The following BSCL2 variants were observed in gnomAD, a reference collection of about 807,000 sequenced individuals.
BSCL2 encodes seipin.
Under a neutral mutation model 57.4 loss-of-function variants are expected in BSCL2, and 41 were observed. The observed-to-expected ratio is 0.71, with a 90% confidence interval of 0.56 to 0.93. BSCL2 has a LOEUF of 0.93. Among genes scored for constraint, BSCL2 ranks in the 40% least tolerant of loss-of-function variants. The probability of loss-of-function intolerance (pLI) is 0.00; values close to 1 mark genes in which losing one functional copy is unlikely to be tolerated. For synonymous variants in BSCL2, 237 were observed against 227.3 expected (o/e 1.04, Z -0.38); for missense variants, 539 against 586.7 (o/e 0.92, Z 0.84).
Position 62,707,122 on chromosome 11 carries a change from G to A in BSCL2, c.74C>T (p.Pro25Leu), listed in dbSNP as rs745575653. 8.4e-6 allele frequency: 13 copies of A among 1,553,614 alleles called. No individual in the cohort carries two copies. The African/African-American group carries it at 1.1e-4, about 13-fold the overall frequency. ...KEVCGDQIKGPDKEEEPPAAA... is the reference protein window; with the variant it reads ...KEVCGDQIKGLDKEEEPPAAA... ...AAGGGCCCCTACCTCCTCTTTGTCCGGTCCTTTGATCTGGTCTCCGCACAC... is the reference window on the plus strand; with the variant it reads ...AAGGGCCCCTACCTCCTCTTTGTCCAGTCCTTTGATCTGGTCTCCGCACAC... The change falls in exon 1 of 11, where the codon CCG becomes CTG. Residue 25 changes from proline to leucine, a missense_variant. Physicochemically the swap from Pro to Leu is moderately conservative, Grantham distance 98. This residue lies in a region of BSCL2 where 218 missense variants were observed against 224.8 expected (regional missense o/e 0.97). Transcript: ENST00000360796.
upstream of BSCL2, chr11:62,708,294 G>A: frequency 6.2e-7 from 1 of 1,604,214 alleles, no homozygotes; most frequent in Non-Finnish European, 8.5e-7. Context: ...CTTTTTTCCA[G>A]GATGAAAGGT....
rs781626368 is a variant in BSCL2, at chr11:62,705,429, C to T, written c.276G>A (p.Leu92=). 6.2e-7 allele frequency: 1 copy of T among 1,614,230 alleles called. No individual in the cohort carries two copies. Among genetic ancestry groups the T allele is most frequent in the South Asian group, 1.1e-5 (1 of 91,082 alleles). ...TGCAGAAGAGCACCCCAAACTGCAG[C>T]AGCAGCCTGCGGGCACGGCCTGCCA... The part of the protein sequence containing the change: ...QVLAGRARRL[L]LQFGVLFCTI... The change falls in exon 2 of 11, where the codon CTG becomes CTA. Residue 92 remains leucine (L), a synonymous_variant. Coordinates refer to ENST00000360796, the MANE Select transcript of BSCL2 (RefSeq NM_001122955.4).
chr11:62,698,539 C>T (rs1036339354), intron 3 of BSCL2, among the ~76,000 whole-genome samples: 4 of 152,208 alleles, frequency 2.6e-5, no homozygotes, highest in Non-Finnish European at 4.4e-5. Flanking sequence ...TGTATGCAAA[C>T]ATATGCAATG....
At chr11:62,709,442 G>GGTA, upstream of BSCL2, 1 of 453,968 alleles carries the variant, frequency 2.2e-6, no homozygotes, top group Non-Finnish European at 4.4e-6. Context: ...CAAGTTAAAA[G>GGTA]GTAAACAGGC....
chr11:62,706,608 C>T (rs891989427), intron 1 of BSCL2: 10 of 470,618 alleles, frequency 2.1e-5, no homozygotes, highest in Admixed American at 1.9e-4. Flanking sequence ...GCCCTCCGTG[C>T]ACACCTTCAC....
At chr11:62,695,408 A>T (rs976006217) in intron 3 of BSCL2, among the ~76,000 whole-genome samples, 1 of 137,160 alleles carries the variant, frequency 7.3e-6, no homozygotes, top group Admixed American at 7.3e-5. Context: ...GTAATGGGTT[A>T]AAAAAAAAAA....
rs916916343 is a variant in BSCL2, at chr11:62,691,345, C to T, written c.940G>A (p.Val314Met). 1.9e-6 allele frequency: 3 copies of T among 1,613,984 alleles called. No individual in the cohort carries two copies. The highest frequency in any genetic ancestry group is 1.3e-5 in the African/African-American group (1 of 74,882). ...ACCCACTGCATGTAGCTGAAGAGCA[C>T]GATGACGCTGAGGAAGGTGAAGTTG... ...ASNFTFLSVIVLFSYMQWVWG... is the reference protein window; with the variant it reads ...ASNFTFLSVIMLFSYMQWVWG... Residue 314 changes from valine (V) to methionine (M), a missense_variant, in exon 7 of 11, where the codon GTG becomes ATG. Physicochemically the swap from Val to Met is conservative, Grantham distance 21 (BLOSUM62 1). Transcript: ENST00000360796.
At chr11:62,692,627 T>C (rs1407247652) in intron 5 of BSCL2, 36 bp downstream of exon 5, 20 of 1,613,568 alleles carry the variant, frequency 1.2e-5, no homozygotes, top group Non-Finnish European at 1.5e-5. Context: ...TGGGAGGGGC[T>C]ATCTCCTAGT....
chr11:62,704,510 C>G (rs890722997), intron 2 of BSCL2, among the ~76,000 whole-genome samples: 1 of 152,112 alleles, frequency 6.6e-6, no homozygotes. Flanking sequence ...GGCACCACTG[C>G]ACTCCAGCCT....
At chr11:62,709,027 C>T, upstream of BSCL2, 1 of 542,248 alleles carries the variant, frequency 1.8e-6, no homozygotes, top group South Asian at 1.9e-5. Context: ...ATATGAGGCA[C>T]CCTTTGCTCC....
At chr11:62,693,295 G>A (rs1314373999) in intron 4 of BSCL2, among the ~76,000 whole-genome samples, 1 of 152,072 alleles carries the variant, frequency 6.6e-6, no homozygotes, top group East Asian at 1.9e-4. Flanking sequence ...TTTGAGATCA[G>A]GAGTTCGAGA....
chr11:62,701,023 C>T (rs2134725264), intron 3 of BSCL2, among the ~76,000 whole-genome samples: 1 of 152,200 alleles, frequency 6.6e-6, no homozygotes, highest in African/African-American at 2.4e-5. Context: ...GCCCAGTCCC[C>T]ATATGCATTT....
chr11:62,701,626 T>C (rs1005195127), intron 3 of BSCL2, among the ~76,000 whole-genome samples: 3 of 151,992 alleles, frequency 2.0e-5, no homozygotes, highest in Non-Finnish European at 4.4e-5. Flanking sequence ...GGTCAAGAGA[T>C]CCAGACCATC....
chr11:62,704,111 C>T lies in BSCL2; in HGVS notation c.404+1190G>A, dbSNP rs540944012. The stretch of plus-strand genomic sequence containing the variant: ...CTGCACTCCAGCCCAGGCAACAGCA[C>T]GAGACTCTGTCTCAAAAAGAAAAAA... On this transcript the variant is annotated intron_variant, in intron 2 of 10. Transcript: ENST00000360796. Among the ~76,000 whole-genome samples the T allele has an allele frequency of 1.3e-4, 19 of 144,092 alleles. 1 individual carries two copies. Among genetic ancestry groups the T allele is most frequent in the South Asian group, 2.2e-4 (1 of 4,524 alleles). The allele number at this position is 144,092 out of a possible 152,430, so 94.5% of individuals were successfully genotyped here. A position where few individuals can be genotyped will look rare whatever the true frequency, so the allele number is the denominator to read the frequency against.
intron 1 of BSCL2, 27 bp from the exon 2 acceptor site, chr11:62,705,644 G>A (rs2083517295): frequency 6.7e-7 from 1 of 1,481,924 alleles, no homozygotes; most frequent in Admixed American, 2.4e-5. Context: ...AGGGAAAAGA[G>A]TGACTCCTTT....
intron 1 of BSCL2, chr11:62,706,376 G>T: frequency 9.9e-7 from 1 of 1,009,798 alleles, no homozygotes; most frequent in African/African-American, 1.8e-5. Flanking sequence ...GCCCAGGGCG[G>T]GGTCCAGCAC....
rs1195176778 is a variant in BSCL2 at position 62,702,451 on chromosome 11, C to G, written c.486+17G>C. On this transcript the variant is annotated intron_variant, in intron 3 of 10. Transcript: ENST00000360796. The stretch of plus-strand genomic sequence containing the variant: ...ATCAAAGCTCTAATGAAACCTCTCT[C>G]TAGTTCCCATACTCACCCGATCACG... 6 of 1,601,194 alleles carry G rather than the reference C, an allele frequency of 3.7e-6. No homozygotes were observed. In the Admixed American group the frequency reaches 1.0e-4, roughly 27 times the overall value.
intron 3 of BSCL2, among the ~76,000 whole-genome samples, chr11:62,696,746 C>T (rs186424894): frequency 1.6e-4 from 25 of 152,068 alleles, no homozygotes; most frequent in African/African-American, 5.3e-4. Flanking sequence ...TTTGTAGAGA[C>T]GGGGTCTCAT....
intron 2 of BSCL2, among the ~76,000 whole-genome samples, chr11:62,703,759 G>T (rs931280850): frequency 5.3e-5 from 8 of 152,000 alleles, no homozygotes; most frequent in African/African-American, 1.9e-4. Flanking sequence ...GGGAAAAAAT[G>T]ACTTTAAACC....
Sources: allele counts gnomAD v4.1 joint callset (sites outside exome capture counted in the v4.1 genomes callset), GRCh38; gene constraint gnomAD v4.1.1; regional missense constraint gnomAD v4.1.1; transcripts MANE v1.5; gene names NCBI Gene and HGNC (gene_info 2026-07-23, HGNC 2026-07-21).